SLC28A1: variants seen among roughly 807,000 people sequenced by gnomAD.
SLC28A1 encodes the protein sodium/nucleoside cotransporter 1.
Under a neutral mutation model 74.8 loss-of-function variants are expected in SLC28A1, and 64 were observed. That is an observed-to-expected ratio of 0.86 (90% CI 0.70 to 1.05). SLC28A1 has a LOEUF of 1.05. SLC28A1 is among the 50% of genes least tolerant of loss of function. The pLI is 0.00. For synonymous variants in SLC28A1, 359 were observed against 335.0 expected (o/e 1.07, Z -0.78); for missense variants, 828 against 822.8 (o/e 1.01, Z -0.08).
At chr15:84,895,526 C>T (rs1965900980) in intron 6 of SLC28A1, 5 of 1,560,228 alleles carry the variant, frequency 3.2e-6, no homozygotes, top group Non-Finnish European at 4.3e-6. Context: ...TTTCATTAGC[C>T]TCCAGGGGAT....
the SLC28A1 span, among the ~76,000 whole-genome samples, chr15:84,959,450 T>C: frequency 6.6e-6 from 1 of 152,056 alleles, no homozygotes; most frequent in Non-Finnish European, 1.5e-5. Context: ...CTCTTTCATT[T>C]TCTCTATTTT....
intron 13 of SLC28A1, among the ~76,000 whole-genome samples, chr15:84,933,520 G>T (rs542289484): frequency 6.6e-6 from 1 of 152,176 alleles, no homozygotes; most frequent in Non-Finnish European, 1.5e-5. Context: ...TGGAGGCTGA[G>T]AAGTCCAAGG....
At chr15:84,911,858 C>A (rs78165391) in intron 9 of SLC28A1, among the ~76,000 whole-genome samples, 28 of 114,674 alleles carry the variant, frequency 2.4e-4, no homozygotes, top group East Asian at 1.3e-3. Context: ...GACTCCATCT[C>A]AAAAAAAAAA....
rs140003864 is a variant in SLC28A1 at position 84,924,221 on chromosome 15, C to A, written c.1083+111C>A. 1.3e-3 allele frequency: 1,747 copies of A among 1,308,238 alleles called. 23 individuals are homozygous for A. The African/African-American group carries it at 0.023, about 17-fold the overall frequency. The allele number at this position is 1,308,238 out of a possible 1,614,324, so 81.0% of individuals were successfully genotyped here. A position where few individuals can be genotyped will look rare whatever the true frequency, so the allele number is the denominator to read the frequency against. ...AGCCCTCAGATCTTCTCTCTTGGGC[C>A]TGCTGTGCTGGCAAGAGGAGTGGCT... On this transcript the variant is annotated intron_variant, in intron 12 of 18. Transcript: ENST00000394573.
chr15:84,893,682 T>C lies in SLC28A1; in HGVS notation c.278-1258T>C, dbSNP rs117135859. ...GGCCATGGCGACCCCCTCTTCTCCATGGTGGGCTCATTCTGGTCTCCCGCC... is the reference window on the plus strand; with the variant it reads ...GGCCATGGCGACCCCCTCTTCTCCACGGTGGGCTCATTCTGGTCTCCCGCC... On this transcript the variant is annotated intron_variant, in intron 5 of 18. Coordinates refer to ENST00000394573, the MANE Select transcript of SLC28A1 (RefSeq NM_004213.5). Among the ~76,000 whole-genome samples the C allele has an allele frequency of 2.4e-3, 371 of 152,214 alleles. 14 individuals are homozygous for C. The East Asian group carries it at 0.06, about 25-fold the overall frequency.
At chr15:84,906,018 C>CT (rs34746940) in intron 8 of SLC28A1, among the ~76,000 whole-genome samples, 94,919 of 139,208 alleles carry the variant, frequency 0.68, 32,711 homozygotes, top group Middle Eastern at 0.77. Flanking sequence ...CATTTTTGTT[C>CT]TTTTTTTTTT....
chr15:84,916,298 G>A (rs1969098751), intron 9 of SLC28A1, among the ~76,000 whole-genome samples: 1 of 144,310 alleles, frequency 6.9e-6, no homozygotes, highest in Non-Finnish European at 1.5e-5. Context: ...CTGTAGTGCA[G>A]TGGCATGATC....
chr15:84,904,969 G>C (rs1966883936), intron 7 of SLC28A1, among the ~76,000 whole-genome samples: 1 of 152,188 alleles, frequency 6.6e-6, no homozygotes, highest in Admixed American at 6.5e-5. Context: ...AAGCCTCCCA[G>C]GAGCTTATGA....
intron 12 of SLC28A1, among the ~76,000 whole-genome samples, chr15:84,929,537 C>A (rs1971034640): frequency 1.4e-5 from 1 of 69,790 alleles, no homozygotes; most frequent in Non-Finnish European, 2.7e-5. Context: ...CAGCAAGACT[C>A]TGTTTCAAAA....
chr15:84,964,477 T>C, the SLC28A1 span, among the ~76,000 whole-genome samples: 1 of 152,228 alleles, frequency 6.6e-6, no homozygotes, highest in Admixed American at 6.5e-5. Flanking sequence ...GTTAGAATGA[T>C]TGACATTACC....
At chr15:84,924,586 C>T (rs1247551207) in intron 12 of SLC28A1, among the ~76,000 whole-genome samples, 1 of 152,178 alleles carries the variant, frequency 6.6e-6, no homozygotes, top group African/African-American at 2.4e-5. Flanking sequence ...GTGCAGTTTA[C>T]ACAGCACAAA....
intron 3 of SLC28A1, 53 bp downstream of exon 3, chr15:84,887,909 G>T: frequency 1.5e-6 from 2 of 1,361,972 alleles, no homozygotes; most frequent in Non-Finnish European, 2.1e-6. Flanking sequence ...TTTGGCTTGA[G>T]CCCGGCTGCC....
the SLC28A1 span, among the ~76,000 whole-genome samples, chr15:84,956,998 C>G: frequency 6.6e-6 from 1 of 151,840 alleles, no homozygotes; most frequent in African/African-American, 2.4e-5. Flanking sequence ...AATCCATATA[C>G]CTTGTTTTTT....
At position 84,895,174 on chromosome 15, in the gene SLC28A1, A is replaced by AG. The variant is rs767767446; in HGVS notation, c.461+55dup. ...AGGGCAGGGGAGGGCCCATGAGCTGAGGGGTTGGCTCCAGGGTTATGGCCA... is the reference window on the plus strand; with the variant it reads ...AGGGCAGGGGAGGGCCCATGAGCTGAGGGGGTTGGCTCCAGGGTTATGGCCA... On this transcript the variant is annotated intron_variant, in intron 6 of 18. Transcript: ENST00000394573. 3 of 1,605,486 alleles carry AG rather than the reference A, an allele frequency of 1.9e-6. No homozygotes were observed. In the Admixed American group the frequency reaches 5.1e-5, roughly 27 times the overall value.
the SLC28A1 span, among the ~76,000 whole-genome samples, chr15:84,960,658 TG>T: frequency 6.6e-6 from 1 of 152,158 alleles, no homozygotes; most frequent in Non-Finnish European, 1.5e-5. Context: ...CAGGTGGGCC[TG>T]GGGCTCTAGG....
At chr15:84,887,663 C>G in intron 2 of SLC28A1, 82 bp from the exon 3 acceptor site, 1 of 1,571,182 alleles carries the variant, frequency 6.4e-7, no homozygotes, top group Non-Finnish European at 8.7e-7. Flanking sequence ...CCACTCAGTC[C>G]TCTCCCCTTT....
chr15:84,892,890 C>T (rs1431561306), intron 5 of SLC28A1, among the ~76,000 whole-genome samples: 1 of 152,188 alleles, frequency 6.6e-6, no homozygotes, highest in African/African-American at 2.4e-5. Flanking sequence ...CTCTCCCAGC[C>T]AAAGCCCAGG....
At chr15:84,928,527 G>GTTCGTTCGTTCT (rs1477267970) in intron 12 of SLC28A1, among the ~76,000 whole-genome samples, 10 of 47,174 alleles carry the variant, frequency 2.1e-4, no homozygotes, top group Non-Finnish European at 3.1e-4. Context: ...AGGTTCGTTC[G>GTTCGTTCGTTCT]TTCTTTCTTT....
chr15:84,895,299 G>GT (rs1567123521), intron 6 of SLC28A1, 176 bp downstream of exon 6: 32 of 1,599,172 alleles, frequency 2.0e-5, no homozygotes, highest in Middle Eastern at 3.4e-4. Flanking sequence ...TCTTTGTGGT[G>GT]TTTCACCAGT....
Sources: allele counts gnomAD v4.1 joint callset (sites outside exome capture counted in the v4.1 genomes callset), GRCh38; gene constraint gnomAD v4.1.1; transcripts MANE v1.5; gene names NCBI Gene and HGNC (gene_info 2026-07-23, HGNC 2026-07-21).